Variants in FAM135B observed in about 807,000 individuals in gnomAD.
FAM135B encodes protein FAM135B.
In FAM135B, 43 loss-of-function variants were observed where a neutral mutation model predicts 127.7. The observed-to-expected ratio is 0.34, with a 90% CI of 0.26 to 0.43. The LOEUF (loss-of-function observed/expected upper bound fraction) is 0.43, where lower values mean the gene tolerates loss of function less well. Among genes scored for constraint, FAM135B ranks in the 20% least tolerant of loss-of-function variants. The pLI, the probability that FAM135B is intolerant of heterozygous loss-of-function variation, is 1.00. For missense variants in FAM135B, 1,558 were observed against 1,725.6 expected (o/e 0.90, Z 1.72); for synonymous variants, 670 against 665.1 (o/e 1.01, Z -0.11).
At chr8:138,380,894 A>T (rs1256164691) in intron 1 of FAM135B, among the ~76,000 whole-genome samples, 3 of 152,108 alleles carry the variant, frequency 2.0e-5, no homozygotes, top group Admixed American at 2.0e-4. Context: ...AGGGTATCAG[A>T]ACTTTAGATC....
At chr8:138,316,973 C>T (rs187090771) in intron 2 of FAM135B, among the ~76,000 whole-genome samples, 1 of 149,264 alleles carries the variant, frequency 6.7e-6, no homozygotes, top group Non-Finnish European at 1.5e-5. Context: ...GAGCAAGACT[C>T]CATCTCAAAA....
rs376452598 is a variant in FAM135B at position 138,207,950 on chromosome 8, C to A, written c.670-10281G>T. The stretch of plus-strand genomic sequence containing the variant: ...GCTCACGACTCATGTATCTTTTTGC[C>A]CAAAGACATAAACAAAAATCTGCAA... On this transcript the variant is annotated intron_variant, in intron 7 of 19. Transcript: ENST00000395297. Among the ~76,000 whole-genome samples the A allele has an allele frequency of 9.9e-5, 15 of 152,266 alleles. No individual in the cohort carries two copies. The South Asian group carries it at 3.1e-3, about 32-fold the overall frequency.
intron 2 of FAM135B, among the ~76,000 whole-genome samples, chr8:138,339,671 C>A (rs1408376906): frequency 1.3e-5 from 2 of 152,184 alleles, no homozygotes; most frequent in Admixed American, 1.3e-4. Context: ...AGAATTAGAG[C>A]ATTCCATCAG....
chr8:138,233,013 C>G (rs952328872), intron 7 of FAM135B, among the ~76,000 whole-genome samples: 1 of 152,228 alleles, frequency 6.6e-6, no homozygotes. Context: ...ATATTAGATA[C>G]CTCCTATGAG....
intron 1 of FAM135B, among the ~76,000 whole-genome samples, chr8:138,400,269 G>A (rs961525510): frequency 3.3e-5 from 5 of 152,100 alleles, no homozygotes; most frequent in African/African-American, 9.7e-5. Context: ...GAGTGTCCCA[G>A]GCCAACAGAT....
At chr8:138,180,588 C>T (rs549615760) in intron 9 of FAM135B, among the ~76,000 whole-genome samples, 6 of 152,244 alleles carry the variant, frequency 3.9e-5, no homozygotes, top group Admixed American at 1.3e-4. Flanking sequence ...AGACTGAAGA[C>T]TAGTGCTAGA....
intron 1 of FAM135B, among the ~76,000 whole-genome samples, chr8:138,401,531 C>CATCT (rs1342642234): frequency 1.3e-5 from 2 of 152,152 alleles, no homozygotes; most frequent in Admixed American, 6.5e-5. Context: ...AAAAGAAACC[C>CATCT]ATCTGTTTAC....
chr8:138,262,485 T>C (rs1822604758), intron 4 of FAM135B, among the ~76,000 whole-genome samples: 1 of 152,186 alleles, frequency 6.6e-6, no homozygotes, highest in Non-Finnish European at 1.5e-5. Flanking sequence ...CTAATGGTAT[T>C]GTTTCCTAAA....
chr8:138,403,183 A>ACTCC (rs1318669829), intron 1 of FAM135B, among the ~76,000 whole-genome samples: 12 of 152,284 alleles, frequency 7.9e-5, no homozygotes, highest in African/African-American at 2.9e-4. Flanking sequence ...TCCACAGCAA[A>ACTCC]ACATACTGAT....
At chr8:138,259,668 C>A (rs1013944751) in intron 4 of FAM135B, among the ~76,000 whole-genome samples, 19 of 152,290 alleles carry the variant, frequency 1.2e-4, no homozygotes, top group Non-Finnish European at 4.4e-5. Flanking sequence ...GGCCCAGGTT[C>A]AAACCCTGGC....
chr8:138,493,164 C>T (rs1285956497), intron 1 of FAM135B, among the ~76,000 whole-genome samples: 1 of 152,186 alleles, frequency 6.6e-6, no homozygotes, highest in Non-Finnish European at 1.5e-5. Context: ...CATGTTTGAG[C>T]AGAAACATTT....
In FAM135B at chr8:138,152,819, G is replaced by A. The variant is rs1387242829; in HGVS notation, c.1656C>T (p.Thr552=). 1 of 1,614,152 alleles carries A rather than the reference G, an allele frequency of 6.2e-7. No individual in the cohort carries two copies. Among genetic ancestry groups the A allele is most frequent in the Non-Finnish European group, 8.5e-7 (1 of 1,180,034 alleles). Residue 552 remains threonine, a synonymous_variant, in exon 13 of 20, where the codon ACC becomes ACT. Transcript: ENST00000395297. ...GPEDGQAPVL[T]YIDVKSSNKN... ...TATTGCTAGATTTTACGTCAATGTA[G>A]GTCAGCACTGGGGCCTGTCCATCCT... is the stretch of plus-strand genomic sequence containing the variant.
intron 2 of FAM135B, among the ~76,000 whole-genome samples, chr8:138,316,910 G>A (rs1827142359): frequency 6.6e-6 from 1 of 151,866 alleles, no homozygotes; most frequent in Non-Finnish European, 1.5e-5. Flanking sequence ...AACCTGGGAG[G>A]CGGAGCTTGC....
intron 3 of FAM135B, among the ~76,000 whole-genome samples, chr8:138,308,549 A>C (rs946572707): frequency 2.6e-5 from 4 of 152,180 alleles, no homozygotes; most frequent in African/African-American, 7.2e-5. Flanking sequence ...TCTGTTCTAA[A>C]CAGTGTGCTA....
intron 7 of FAM135B, among the ~76,000 whole-genome samples, chr8:138,228,808 C>T (rs1034985826): frequency 7.9e-6 from 1 of 126,288 alleles, no homozygotes; most frequent in Non-Finnish European, 1.8e-5. Flanking sequence ...CAGTGCAAGG[C>T]CCTGATGCCC....
chr8:138,296,437 G>T (rs977916560), intron 3 of FAM135B, among the ~76,000 whole-genome samples: 4 of 152,176 alleles, frequency 2.6e-5, no homozygotes, highest in Non-Finnish European at 5.9e-5. Context: ...TTAGGCAATG[G>T]AGCTCCTTCT....
chr8:138,439,012 G>A (rs887906262), intron 1 of FAM135B: 1 of 152,088 alleles, frequency 6.6e-6, no homozygotes, highest in Admixed American at 6.6e-5. Context: ...AAACAAGTGG[G>A]TCATCACATT....
intron 3 of FAM135B, among the ~76,000 whole-genome samples, chr8:138,269,731 C>T (rs1563840788): frequency 6.6e-6 from 1 of 152,200 alleles, no homozygotes; most frequent in East Asian, 1.9e-4. Flanking sequence ...AGAATCCGAG[C>T]TCCAATGAGA....
chr8:138,221,960 G>A (rs181506765), intron 7 of FAM135B, among the ~76,000 whole-genome samples: 6 of 152,256 alleles, frequency 3.9e-5, no homozygotes, highest in African/African-American at 7.2e-5. Context: ...GCAGGGAAAC[G>A]AAATACATGT....
Sources: gnomAD v4.1 joint callset for allele counts (sites outside exome capture counted in the v4.1 genomes callset) on GRCh38, gnomAD v4.1.1 for gene constraint, MANE v1.5 for transcripts, NCBI Gene and HGNC (gene_info 2026-07-23, HGNC 2026-07-21) for gene names.